Variants in CCDC192 observed in about 807,000 individuals in gnomAD.
CCDC192 encodes coiled-coil domain-containing protein 192.
At chr5:127,785,817 C>T in intron 3 of CCDC192, 1 of 325,010 alleles carries the variant, frequency 3.1e-6, no homozygotes. Flanking sequence ...GATAAATAGG[C>T]CATCTTGGTA....
At chr5:127,786,850 C>T (rs1225807402) in intron 3 of CCDC192, 1 of 509,060 alleles carries the variant, frequency 2.0e-6, no homozygotes, top group Non-Finnish European at 3.7e-6. Flanking sequence ...GAAACTCTGG[C>T]TCCTCATGCT....
intron 5 of CCDC192, among the ~76,000 whole-genome samples, chr5:127,874,824 A>G (rs375176535): frequency 1.3e-5 from 2 of 152,200 alleles, no homozygotes; most frequent in Non-Finnish European, 2.9e-5. Flanking sequence ...TAATGAATCA[A>G]ATCTACTCTG....
At chr5:127,734,007 T>A (rs1383657219) in intron 2 of CCDC192, among the ~76,000 whole-genome samples, 3 of 151,088 alleles carry the variant, frequency 2.0e-5, no homozygotes, top group Admixed American at 1.3e-4. Flanking sequence ...ACATGTGCCA[T>A]GCTGGTGCGC....
At chr5:127,808,896 T>C (rs753278266) in intron 5 of CCDC192, among the ~76,000 whole-genome samples, 3 of 152,204 alleles carry the variant, frequency 2.0e-5, no homozygotes, top group African/African-American at 7.2e-5. Context: ...TGAGAGAATG[T>C]ATAAATGCCA....
chr5:127,797,717 G>C (rs1189947451), intron 4 of CCDC192, among the ~76,000 whole-genome samples: 3 of 132,582 alleles, frequency 2.3e-5, no homozygotes, highest in Non-Finnish European at 4.8e-5. Flanking sequence ...ATATGGATAT[G>C]ATTTCATGTG....
chr5:127,938,989 A>ACT (rs992406864), intron 6 of CCDC192, among the ~76,000 whole-genome samples: 3 of 151,440 alleles, frequency 2.0e-5, no homozygotes, highest in African/African-American at 4.9e-5. Flanking sequence ...TGCCATATGG[A>ACT]CTCTCTCTCC....
upstream of CCDC192, chr5:127,703,302 G>A (rs1750781739): frequency 2.5e-6 from 1 of 394,724 alleles, no homozygotes; most frequent in African/African-American, 2.1e-5. Context: ...TTTTCTTTGG[G>A]AAGTTAACTG....
intron 2 of CCDC192, among the ~76,000 whole-genome samples, chr5:127,715,114 A>G (rs1751556933): frequency 6.6e-6 from 1 of 152,168 alleles, no homozygotes; most frequent in African/African-American, 2.4e-5. Context: ...GCAATACAGA[A>G]GCTTTTCAAA....
At chr5:127,787,769 T>C (rs1756633278) in intron 3 of CCDC192, among the ~76,000 whole-genome samples, 1 of 152,212 alleles carries the variant, frequency 6.6e-6, no homozygotes, top group Admixed American at 6.5e-5. Flanking sequence ...TATAGTGTAA[T>C]TCAAGTCTAT....
At chr5:127,864,462 G>A (rs1428326590) in intron 5 of CCDC192, among the ~76,000 whole-genome samples, 1 of 152,200 alleles carries the variant, frequency 6.6e-6, no homozygotes, top group Non-Finnish European at 1.5e-5. Context: ...AAAGATCCTT[G>A]CTTGGGAGTT....
intron 6 of CCDC192, among the ~76,000 whole-genome samples, chr5:127,892,733 T>C (rs1446496699): frequency 6.6e-6 from 1 of 152,218 alleles, no homozygotes; most frequent in Non-Finnish European, 1.5e-5. Flanking sequence ...AATAAAGTAC[T>C]CAGAAATCTG....
chr5:127,739,125 T>C (rs1380849747), intron 2 of CCDC192, among the ~76,000 whole-genome samples: 1 of 152,128 alleles, frequency 6.6e-6, no homozygotes, highest in East Asian at 1.9e-4. Flanking sequence ...ATGTCCTTTC[T>C]GTTTGTTAGT....
intron 2 of CCDC192, among the ~76,000 whole-genome samples, chr5:127,729,777 A>G (rs1342681389): frequency 6.6e-6 from 1 of 152,192 alleles, no homozygotes; most frequent in Non-Finnish European, 1.5e-5. Flanking sequence ...ACTCCTGGGT[A>G]AATAATAAAA....
chr5:127,753,080 G>A (rs970374634), intron 2 of CCDC192, among the ~76,000 whole-genome samples: 11 of 152,100 alleles, frequency 7.2e-5, no homozygotes, highest in Non-Finnish European at 1.6e-4. Flanking sequence ...CTTCTGCGTC[G>A]CTCAGGCTGG....
chr5:127,718,191 G>A (rs1042684928), intron 2 of CCDC192, among the ~76,000 whole-genome samples: 2 of 152,118 alleles, frequency 1.3e-5, no homozygotes, highest in African/African-American at 4.8e-5. Flanking sequence ...TAGTGCAAAT[G>A]TATAAGAAAA....
intron 6 of CCDC192, among the ~76,000 whole-genome samples, chr5:127,889,453 G>A (rs947972808): frequency 1.4e-5 from 2 of 146,598 alleles, no homozygotes; most frequent in African/African-American, 2.5e-5. Flanking sequence ...CCAGGCTGGA[G>A]TGCAGTGGCA....
At chr5:127,831,574 G>A (rs1348762244) in intron 5 of CCDC192, among the ~76,000 whole-genome samples, 2 of 151,922 alleles carry the variant, frequency 1.3e-5, no homozygotes, top group Non-Finnish European at 2.9e-5. Flanking sequence ...ATGCCGATAA[G>A]GAAACAACTT....
intron 5 of CCDC192, among the ~76,000 whole-genome samples, chr5:127,851,693 T>G (rs1383560650): frequency 1.3e-5 from 2 of 152,210 alleles, no homozygotes; most frequent in Non-Finnish European, 2.9e-5. Flanking sequence ...CCTGACCTCG[T>G]GATCTGCCCG....
intron 6 of CCDC192, among the ~76,000 whole-genome samples, chr5:127,879,267 C>T (rs966191071): frequency 5.6e-4 from 84 of 151,074 alleles, no homozygotes; most frequent in Admixed American, 1.2e-3. Flanking sequence ...GAACAGAGCC[C>T]TCAGAAGTAA....
Sources: gnomAD v4.1 joint callset for allele counts (sites outside exome capture counted in the v4.1 genomes callset) on GRCh38, gnomAD v4.1.1 for gene constraint, MANE v1.5 for transcripts, NCBI Gene and HGNC (gene_info 2026-07-23, HGNC 2026-07-21) for gene names.